AK9: variants seen among roughly 807,000 people sequenced by gnomAD.
AK9 encodes the protein adenylate kinase domain containing 1.
A neutral mutation model predicts 239.6 loss-of-function variants in AK9; 191 were observed. That is an observed-to-expected ratio of 0.80 (90% CI 0.71 to 0.90). The LOEUF (loss-of-function observed/expected upper bound fraction) is 0.90, where lower values mean the gene tolerates loss of function less well. AK9 is among the 40% of genes least tolerant of loss of function. The probability of loss-of-function intolerance (pLI) is 0.00; values close to 1 mark genes in which losing one functional copy is unlikely to be tolerated. For synonymous variants in AK9, 689 were observed against 721.0 expected, an observed-to-expected ratio of 0.96 and a Z score of 0.71; for missense variants, 1,995 against 2,214.7, an observed-to-expected ratio of 0.90 and a Z score of 1.99.
intron 12 of AK9, 80 bp from the exon 13 acceptor site, chr6:109,619,316 A>T: frequency 7.4e-7 from 1 of 1,347,672 alleles, no homozygotes; most frequent in Non-Finnish European, 9.8e-7. Context: ...ATCTATGTAT[A>T]TCTATCTATA....
At position 109,506,711 on chromosome 6, in the gene AK9, C is replaced by T. The variant is rs1356134783; in HGVS notation, c.4571G>A (p.Ser1524Asn). 15 of 1,539,024 alleles carry T rather than the reference C, an allele frequency of 9.7e-6. No individual in the cohort carries two copies. Among genetic ancestry groups the T allele is most frequent in the East Asian group, 2.5e-5 (1 of 40,582 alleles). ...SIIPMVIFEL[S>N]VPSKEIFKRL... ...TTTGAAAATCTCCTTGGAAGGCACA[C>T]TCAATTCAAAGATGACCATGGGAAT... is the stretch of plus-strand genomic sequence containing the variant. The change falls in exon 34 of 41, where the codon AGT (serine) becomes AAT (asparagine). Residue 1524 changes from serine to asparagine, a missense_variant. Ser to Asn is a conservative substitution (Grantham distance 46, BLOSUM62 1). Coordinates refer to ENST00000424296, the MANE Select transcript of AK9 (RefSeq NM_001145128.3).
intron 12 of AK9, among the ~76,000 whole-genome samples, chr6:109,622,269 TAAG>T (rs1394692198): frequency 1.4e-5 from 2 of 143,968 alleles, no homozygotes; most frequent in Non-Finnish European, 3.0e-5. Context: ...TACATTCCTA[TAAG>T]AAAAAGAATC....
At chr6:109,565,013 A>C (rs189558069) in intron 21 of AK9, among the ~76,000 whole-genome samples, 168 bp from the exon 22 acceptor site, 44 of 152,340 alleles carry the variant, frequency 2.9e-4, no homozygotes, top group African/African-American at 8.7e-4. Flanking sequence ...ACATAATAAA[A>C]AAGGCAGAAA....
intron 26 of AK9, among the ~76,000 whole-genome samples, chr6:109,544,474 G>GT (rs1224986405): frequency 1.3e-5 from 2 of 152,044 alleles, no homozygotes; most frequent in Admixed American, 1.3e-4. Flanking sequence ...TACCCCCTTG[G>GT]TACTGTCATG....
At chr6:109,555,376 CTGTT>C (rs1352983161) in intron 24 of AK9, among the ~76,000 whole-genome samples, 2 of 152,122 alleles carry the variant, frequency 1.3e-5, no homozygotes, top group African/African-American at 2.4e-5. Context: ...ATCTGAGAGA[CTGTT>C]TGTTATGATT....
chr6:109,519,320 T>A (rs1779592544), intron 29 of AK9, among the ~76,000 whole-genome samples: 1 of 152,338 alleles, frequency 6.6e-6, no homozygotes. Flanking sequence ...TATTTTCTTT[T>A]GTATATATAC....
intron 17 of AK9, among the ~76,000 whole-genome samples, chr6:109,594,182 A>G (rs1383699974): frequency 6.6e-6 from 1 of 152,206 alleles, no homozygotes; most frequent in Non-Finnish European, 1.5e-5. Context: ...AGTATACAAA[A>G]TCAGTGTGCA....
At chr6:109,592,761 A>G (rs1478797754) in intron 17 of AK9, among the ~76,000 whole-genome samples, 2 of 149,868 alleles carry the variant, frequency 1.3e-5, no homozygotes, top group Non-Finnish European at 3.0e-5. Context: ...TTTTTTTATA[A>G]GTGATTAGAT....
chr6:109,653,454 A>C (rs1799255794), intron 8 of AK9, among the ~76,000 whole-genome samples: 1 of 152,142 alleles, frequency 6.6e-6, no homozygotes, highest in African/African-American at 2.4e-5. Context: ...ATCTCTGTAA[A>C]CTGCCTTATC....
intron 38 of AK9, among the ~76,000 whole-genome samples, chr6:109,496,954 A>G (rs1189336566): frequency 6.6e-6 from 1 of 151,738 alleles, no homozygotes; most frequent in Non-Finnish European, 1.5e-5. Context: ...TGAAACCGCA[A>G]ACGCTTCATG....
At chr6:109,606,484 T>A (rs1792900364) in intron 17 of AK9, among the ~76,000 whole-genome samples, 1 of 152,212 alleles carries the variant, frequency 6.6e-6, no homozygotes. Flanking sequence ...ATCATGTTAA[T>A]GACACAGAAG....
intron 29 of AK9, among the ~76,000 whole-genome samples, chr6:109,527,035 C>T (rs138071180): frequency 9.7e-4 from 148 of 152,204 alleles, no homozygotes; most frequent in Non-Finnish European, 1.5e-3. Flanking sequence ...ACTTGCTCCC[C>T]GGGCTTCCTG....
Position 109,688,085 on chromosome 6 carries a change from G to T in AK9, c.-12+3062C>A, listed in dbSNP as rs77646986. Reference sequence around the variant, plus strand: ...TCATATCAAGGCCTCCTTTCACCAGGCTGGTTTAGCTACACTACTGCTGCT... The same window carrying T: ...TCATATCAAGGCCTCCTTTCACCAGTCTGGTTTAGCTACACTACTGCTGCT... On this transcript the variant is annotated intron_variant, in intron 1 of 40. Coordinates refer to ENST00000424296, the MANE Select transcript of AK9 (RefSeq NM_001145128.3). Among the ~76,000 whole-genome samples, 111 of 152,256 alleles carry T rather than the reference G, an allele frequency of 7.3e-4. 1 individual carries two copies. The East Asian group carries it at 0.02, about 27-fold the overall frequency.
At chr6:109,509,100 A>C in intron 33 of AK9, 79 bp downstream of exon 33, 4 of 1,347,686 alleles carry the variant, frequency 3.0e-6, no homozygotes, top group Non-Finnish European at 4.1e-6. Context: ...AGCCCCATGT[A>C]AGTGTTTTAA....
chr6:109,512,076 G>A (rs141210999), intron 32 of AK9, among the ~76,000 whole-genome samples: 1 of 152,262 alleles, frequency 6.6e-6, no homozygotes, highest in African/African-American at 2.4e-5. Flanking sequence ...AGACAGTTAA[G>A]GCATTCTAAG....
At position 109,497,362 on chromosome 6, in the gene AK9, A is replaced by ACACACACACACACT. The variant is rs1554230922; in HGVS notation, c.5315+102_5315+103insAGTGTGTGTGTGTG. Reference sequence around the variant, plus strand: ...CACACACACACACACACACACACACACTCTCTCTCTCTCTCTCTCTCTCAC... The same window carrying ACACACACACACACT: ...CACACACACACACACACACACACACACACACACACACACTCTCTCTCTCTCTCTCTCTCTCTCAC... On this transcript the variant is annotated intron_variant, in intron 38 of 40. Coordinates refer to ENST00000424296, the MANE Select transcript of AK9 (RefSeq NM_001145128.3). 10 of 500,602 alleles carry ACACACACACACACT rather than the reference A, an allele frequency of 2.0e-5. No homozygotes were observed. In the African/African-American group the frequency reaches 2.7e-4, roughly 13 times the overall value. 31.0% of individuals were successfully genotyped at this position (500,602 alleles called of 1,614,324 possible).
At chr6:109,511,973 G>T (rs1055312767) in intron 32 of AK9, among the ~76,000 whole-genome samples, 1 of 152,086 alleles carries the variant, frequency 6.6e-6, no homozygotes, top group Admixed American at 6.6e-5. Flanking sequence ...GAACATTTAG[G>T]ATATGATTAT....
intron 21 of AK9, among the ~76,000 whole-genome samples, chr6:109,568,723 G>C (rs1473268205): frequency 6.6e-6 from 1 of 152,076 alleles, no homozygotes; most frequent in African/African-American, 2.4e-5. Flanking sequence ...AACTTACAAG[G>C]GATGTGAAGG....
intron 10 of AK9, among the ~76,000 whole-genome samples, chr6:109,634,574 T>A (rs1284401223): frequency 1.3e-5 from 2 of 152,206 alleles, no homozygotes; most frequent in African/African-American, 2.4e-5. Context: ...TGATCTTCCA[T>A]GGACCACTGC....
Sources: allele counts gnomAD v4.1 joint callset (sites outside exome capture counted in the v4.1 genomes callset), GRCh38; gene constraint gnomAD v4.1.1; transcripts MANE v1.5; gene names NCBI Gene and HGNC (gene_info 2026-07-23, HGNC 2026-07-21).